Variants in OGDH observed in about 807,000 individuals in gnomAD.
The protein encoded by OGDH is oxoglutarate dehydrogenase, also known as 2-oxoglutarate dehydrogenase complex component E1.
OGDH carries 38 observed loss-of-function variants against 116.6 expected under a neutral mutation model. The observed-to-expected ratio is 0.33, with a 90% CI of 0.25 to 0.43. The LOEUF is 0.43. Ranked by LOEUF, OGDH falls within the 20% of genes least tolerant of loss-of-function variation. OGDH has a pLI of 1.00. For missense variants in OGDH, 825 were observed against 1,357.2 expected (o/e 0.61, Z 6.16); for synonymous variants, 488 against 533.3 (o/e 0.92, Z 1.17).
chr7:44,624,996 A>T (rs1313921889), intron 2 of OGDH, among the ~76,000 whole-genome samples: 1 of 152,112 alleles, frequency 6.6e-6, no homozygotes, highest in Non-Finnish European at 1.5e-5. Flanking sequence ...CTTTTAGCTC[A>T]TTATGTTCGT....
intron 2 of OGDH, among the ~76,000 whole-genome samples, chr7:44,627,969 A>T (rs1785274203): frequency 6.6e-6 from 1 of 152,174 alleles, no homozygotes; most frequent in South Asian, 2.1e-4. Flanking sequence ...GAGCCACTGC[A>T]CCCAGCCCCA....
intron 1 of OGDH, among the ~76,000 whole-genome samples, chr7:44,616,860 CATATAT>C (rs1187563752): frequency 8.8e-5 from 9 of 102,026 alleles, no homozygotes; most frequent in African/African-American, 2.5e-4. Flanking sequence ...TATATATACA[CATATAT>C]ATATACGTAT....
chr7:44,706,673 C>G (rs1248189256), intron 20 of OGDH, among the ~76,000 whole-genome samples: 1 of 142,384 alleles, frequency 7.0e-6, no homozygotes, highest in Non-Finnish European at 1.5e-5. Flanking sequence ...GTTGCCCAGA[C>G]TGTAGTGCAT....
intron 5 of OGDH, among the ~76,000 whole-genome samples, chr7:44,670,298 G>C (rs1248264214): frequency 6.6e-6 from 1 of 152,166 alleles, no homozygotes; most frequent in Non-Finnish European, 1.5e-5. Context: ...AGTTCTGCCA[G>C]CTCTGTAATT....
Position 44,708,219 on chromosome 7 carries a change from A to G in OGDH, c.*220A>G, listed in dbSNP as rs1188168248. ...GCCCAGGCTCTGCTGACTTCTGAGCAGTTTTCCAGGAGGCCGGGGGGAGCA... is the reference window on the plus strand; with the variant it reads ...GCCCAGGCTCTGCTGACTTCTGAGCGGTTTTCCAGGAGGCCGGGGGGAGCA... On this transcript the variant is annotated 3_prime_UTR_variant, in exon 23 of 23. Transcript: ENST00000222673. 8.6e-6 allele frequency: 5 copies of G among 579,404 alleles called. No individual in the cohort carries two copies. Among genetic ancestry groups the G allele is most frequent in the Non-Finnish European group, 1.2e-5 (4 of 347,022 alleles). 35.9% of individuals were successfully genotyped at this position (579,404 alleles called of 1,614,324 possible). A position where few individuals can be genotyped will look rare whatever the true frequency, so the allele number is the denominator to read the frequency against.
intron 4 of OGDH, among the ~76,000 whole-genome samples, chr7:44,656,730 C>A (rs912532293): frequency 6.6e-6 from 1 of 152,214 alleles, no homozygotes; most frequent in Admixed American, 6.5e-5. Flanking sequence ...TCCTGTCCTC[C>A]ACATTCTGTG....
intron 1 of OGDH, among the ~76,000 whole-genome samples, chr7:44,608,314 G>GGGAGGATGGCATGAGCCA (rs1784434053): frequency 6.6e-6 from 1 of 151,722 alleles, no homozygotes; most frequent in Admixed American, 6.6e-5. Flanking sequence ...AGGCTGAGGC[G>GGGAGGATGGCATGAGCCA]GGAGGATGGC....
intron 1 of OGDH, among the ~76,000 whole-genome samples, chr7:44,612,089 G>GT (rs1327449373): frequency 6.6e-6 from 1 of 152,090 alleles, no homozygotes; most frequent in Non-Finnish European, 1.5e-5. Context: ...AAGTTTGAGT[G>GT]TTTTTTGGTT....
rs750340374 is a variant in OGDH, at chr7:44,700,163, A to G, written c.2453A>G (p.Asp818Gly). 1 of 1,614,214 alleles carries G rather than the reference A, an allele frequency of 6.2e-7. No homozygotes were observed. The change falls in exon 19 of 23, where the codon GAC becomes GGC. Residue 818 changes from aspartate (D) to glycine (G), a missense_variant. Asp to Gly is a moderately conservative substitution (Grantham distance 94, BLOSUM62 -1). Around this residue, in one of 7 missense-constraint regions of OGDH, gnomAD observed 212 missense variants for 284.3 expected, o/e 0.75. Transcript: ENST00000222673. Reference sequence around the variant, plus strand: ...CAGGACCTTAAAGAAGCCAACTTCGACATCAATCAGCTATATGACTGCAAT... The same window carrying G: ...CAGGACCTTAAAGAAGCCAACTTCGGCATCAATCAGCTATATGACTGCAAT... ...VLPDLKEANFDINQLYDCNWV... is the reference protein window; with the variant it reads ...VLPDLKEANFGINQLYDCNWV...
intron 1 of OGDH, among the ~76,000 whole-genome samples, chr7:44,614,387 C>T (rs1210598203): frequency 6.9e-6 from 1 of 145,838 alleles, no homozygotes; most frequent in Admixed American, 6.9e-5. Flanking sequence ...TGGGTTTATT[C>T]TTCACGGGGT....
intron 10 of OGDH, among the ~76,000 whole-genome samples, chr7:44,691,237 C>G (rs1788350883): frequency 6.6e-6 from 1 of 152,106 alleles, no homozygotes; most frequent in African/African-American, 2.4e-5. Context: ...TCATAAGACT[C>G]TTTGTCTGCC....
chr7:44,669,495 C>T (rs987834476), intron 5 of OGDH, among the ~76,000 whole-genome samples: 4 of 151,290 alleles, frequency 2.6e-5, no homozygotes, highest in African/African-American at 4.9e-5. Flanking sequence ...GGAAAGCTCC[C>T]ATGGAGTCAC....
rs941172666 is a variant in OGDH, at chr7:44,696,901, T to C, written c.1901-13T>C. On this transcript the variant is annotated splice_polypyrimidine_tract_variant and intron_variant, in intron 14 of 22. Transcript: ENST00000222673. ...AGGGCCTGCAGCAGCTGGTGAGAGCTGTGTCTCTGCAGGGCTGAGCCGGAT... is the reference window on the plus strand; with the variant it reads ...AGGGCCTGCAGCAGCTGGTGAGAGCCGTGTCTCTGCAGGGCTGAGCCGGAT... 1.9e-6 allele frequency: 3 copies of C among 1,598,458 alleles called. No homozygotes were observed. In the African/African-American group the frequency reaches 4.0e-5, roughly 21 times the overall value.
At chr7:44,685,721 C>T (rs1788100078) in intron 10 of OGDH, among the ~76,000 whole-genome samples, 2 of 151,972 alleles carry the variant, frequency 1.3e-5, no homozygotes, top group Admixed American at 6.6e-5. Flanking sequence ...TGGGCTCATG[C>T]AGTCCCCCCA....
intron 6 of OGDH, 145 bp from the exon 7 acceptor site, chr7:44,674,266 A>C (rs1407582875): frequency 1.1e-6 from 1 of 932,822 alleles, no homozygotes; most frequent in African/African-American, 1.7e-5. Context: ...GCTGGTCTCG[A>C]ACTCCTGACC....
intron 4 of OGDH, among the ~76,000 whole-genome samples, chr7:44,658,498 G>T: frequency 6.8e-6 from 1 of 146,728 alleles, no homozygotes; most frequent in African/African-American, 2.5e-5. Flanking sequence ...TATATAGACA[G>T]TCATGTCATC....
At chr7:44,632,214 C>T (rs1304985281) in intron 2 of OGDH, among the ~76,000 whole-genome samples, 1 of 152,026 alleles carries the variant, frequency 6.6e-6, no homozygotes, top group Non-Finnish European at 1.5e-5. Flanking sequence ...GCAGGAGGGA[C>T]TGAGGCCAGG....
At chr7:44,613,594 C>T (rs971905441) in intron 1 of OGDH, among the ~76,000 whole-genome samples, 4 of 151,994 alleles carry the variant, frequency 2.6e-5, no homozygotes, top group African/African-American at 7.2e-5. Context: ...CTCCTGGCCT[C>T]GTGATCCACC....
chr7:44,681,776 C>CTG lies in OGDH; in HGVS notation c.1263_1264insTG (p.Glu422TrpfsTer48). The stretch of plus-strand genomic sequence containing the variant: ...CATTTGCTGGCCAGGGCATTGTGTA[C>CTG]GAGACCTTCCACCTCAGCGACCTGC... On this transcript the variant is annotated frameshift_variant, in exon 10 of 23. Coordinates refer to ENST00000222673, the MANE Select transcript of OGDH (RefSeq NM_002541.4). LOFTEE classifies it high-confidence loss of function. 1 of 1,614,096 alleles carries CTG rather than the reference C, an allele frequency of 6.2e-7. No homozygotes were observed. Among genetic ancestry groups the CTG allele is most frequent in the Non-Finnish European group, 8.5e-7 (1 of 1,180,020 alleles).
Sources: allele counts gnomAD v4.1 joint callset (sites outside exome capture counted in the v4.1 genomes callset), GRCh38; gene constraint gnomAD v4.1.1; regional missense constraint gnomAD v4.1.1; transcripts MANE v1.5; gene names NCBI Gene and HGNC (gene_info 2026-07-23, HGNC 2026-07-21).